DNAAF4: variants seen among roughly 807,000 people sequenced by gnomAD.
The protein encoded by DNAAF4 is dynein assembly factor 4, axonemal.
Under a neutral mutation model 51.8 loss-of-function variants are expected in DNAAF4, and 43 were observed. That is an observed-to-expected ratio of 0.83 (90% CI 0.65 to 1.07). DNAAF4 has a LOEUF of 1.07. Ranked by LOEUF, DNAAF4 falls within the 50% of genes least tolerant of loss-of-function variation. DNAAF4 has a pLI of 0.00. For missense variants in DNAAF4, 581 were observed against 493.0 expected (o/e 1.18, Z -1.69); for synonymous variants, 194 against 165.6 (o/e 1.17, Z -1.32).
At chr15:55,485,423 G>C (rs7342680) in intron 4 of DNAAF4, among the ~76,000 whole-genome samples, 1 of 152,110 alleles carries the variant, frequency 6.6e-6, no homozygotes, top group African/African-American at 2.4e-5. Flanking sequence ...TCACTGATAA[G>C]GATCATTTTG....
chr15:55,438,348 T>C (rs1034672402), intron 7 of DNAAF4, among the ~76,000 whole-genome samples: 12 of 23,982 alleles, frequency 5.0e-4, no homozygotes, highest in Non-Finnish European at 8.7e-4. Context: ...CGAGACTTTG[T>C]CTCAAAAAAA....
At chr15:55,425,110 C>T (rs1053843935) in intron 7 of DNAAF4, among the ~76,000 whole-genome samples, 4 of 152,128 alleles carry the variant, frequency 2.6e-5, no homozygotes, top group African/African-American at 9.7e-5. Flanking sequence ...GTTGATCCGC[C>T]CACCTCGGCC....
intron 7 of DNAAF4, chr15:55,418,228 G>A (rs1336728328): frequency 8.3e-6 from 13 of 1,572,314 alleles, no homozygotes; most frequent in Non-Finnish European, 1.0e-5. Flanking sequence ...TTTAGGATAA[G>A]AAAAGTACTT....
At chr15:55,475,050 T>A (rs1400594495) in intron 4 of DNAAF4, among the ~76,000 whole-genome samples, 1 of 152,140 alleles carries the variant, frequency 6.6e-6, no homozygotes, top group African/African-American at 2.4e-5. Context: ...TGCTGAGAGA[T>A]GTAAAGTATA....
At chr15:55,439,860 G>A (rs2057679562) in intron 6 of DNAAF4, among the ~76,000 whole-genome samples, 1 of 152,090 alleles carries the variant, frequency 6.6e-6, no homozygotes, top group Admixed American at 6.6e-5. Context: ...AAAGAGATCA[G>A]AGCTCCCCCA....
chr15:55,466,708 T>C (rs1324436404), intron 5 of DNAAF4, among the ~76,000 whole-genome samples: 1 of 152,182 alleles, frequency 6.6e-6, no homozygotes, highest in Non-Finnish European at 1.5e-5. Flanking sequence ...AAGAAGACAC[T>C]CTTCTTTTCG....
chr15:55,454,564 G>A (rs941160675), intron 5 of DNAAF4, among the ~76,000 whole-genome samples: 18 of 152,046 alleles, frequency 1.2e-4, no homozygotes, highest in African/African-American at 3.6e-4. Context: ...TTTTAGTAGA[G>A]ATGGGGTTTC....
intron 7 of DNAAF4, among the ~76,000 whole-genome samples, chr15:55,418,938 TGAGTGA>T (rs1566993142): frequency 5.8e-4 from 80 of 138,094 alleles, no homozygotes; most frequent in Non-Finnish European, 9.3e-4. Flanking sequence ...TTTTTTTTTT[TGAGTGA>T]GTTGGAGTCT....
At position 55,497,720 on chromosome 15, in the gene DNAAF4, A is replaced by T; in HGVS notation, c.263T>A (p.Val88Glu). The T allele has an allele frequency of 6.2e-7, 1 of 1,604,702 alleles. No individual in the cohort carries two copies. The highest frequency in any genetic ancestry group is 8.5e-7 in the Non-Finnish European group (1 of 1,177,236). Residue 88 changes from valine to glutamate, a missense_variant, in exon 3 of 10, where the codon GTG becomes GAG. By Grantham distance (121) the Val-to-Glu change is moderately radical. Transcript: ENST00000321149. ...KEAAMWETLS[V>E]TGVDKEMMQR... ...TTTAATAAAGAACTTACCACCCGTCACAGAAAGGGTCTCCCACATGGCCGC... is the reference window on the plus strand; with the variant it reads ...TTTAATAAAGAACTTACCACCCGTCTCAGAAAGGGTCTCCCACATGGCCGC...
At chr15:55,456,139 G>C (rs991124297) in intron 5 of DNAAF4, among the ~76,000 whole-genome samples, 1 of 151,298 alleles carries the variant, frequency 6.6e-6, no homozygotes, top group Non-Finnish European at 1.5e-5. Flanking sequence ...GAGTGCAATG[G>C]CAAGATCTCG....
intron 5 of DNAAF4, among the ~76,000 whole-genome samples, chr15:55,451,619 C>CTT (rs34676492): frequency 1.4e-3 from 206 of 146,764 alleles, no homozygotes; most frequent in Middle Eastern, 0.011. Flanking sequence ...TGAATAATAT[C>CTT]TTTTTTTTTT....
chr15:55,451,756 G>A (rs1240544959), intron 5 of DNAAF4, among the ~76,000 whole-genome samples: 2 of 151,958 alleles, frequency 1.3e-5, no homozygotes. Context: ...GGCACTACAG[G>A]TGCCCACCAC....
rs752284125 is a variant in DNAAF4 at position 55,497,763 on chromosome 15, T to G, written c.220A>C (p.Thr74Pro). The change falls in exon 3 of 10, where the codon ACC becomes CCC. Residue 74 changes from threonine to proline, a missense_variant. Physicochemically the swap from Thr to Pro is conservative, Grantham distance 38 (BLOSUM62 -1). Coordinates refer to ENST00000321149, the MANE Select transcript of DNAAF4 (RefSeq NM_130810.4). ...AKIGNDTIVF[T>P]LYKKEAAMWE... is the part of the protein sequence containing the mutation. ...ATGGCCGCTTCTTTTTTATACAAGG[T>G]GAAGACAATGGTGTCATTCCCAATC... 1 of 1,614,024 alleles carries G rather than the reference T, an allele frequency of 6.2e-7. No individual in the cohort carries two copies. Among genetic ancestry groups the G allele is most frequent in the South Asian group, 1.1e-5 (1 of 91,040 alleles).
intron 6 of DNAAF4, among the ~76,000 whole-genome samples, chr15:55,448,097 C>A (rs111271495): frequency 0.37 from 56,882 of 151,906 alleles, 11,114 homozygotes; most frequent in African/African-American, 0.43. Flanking sequence ...CAATATCTAG[C>A]TTACTGAGAG....
chr15:55,453,394 C>G (rs2057966679), intron 5 of DNAAF4, among the ~76,000 whole-genome samples: 1 of 152,062 alleles, frequency 6.6e-6, no homozygotes, highest in Non-Finnish European at 1.5e-5. Context: ...AATAAGACGA[C>G]TGGCTCCCCA....
chr15:55,427,060 G>GT (rs199888867), downstream of DNAAF4, among the ~76,000 whole-genome samples: 6,700 of 150,800 alleles, frequency 0.044, 482 homozygotes, highest in African/African-American at 0.15. Flanking sequence ...GAGTTTTTTT[G>GT]TTTTTTTTTG....
chr15:55,490,253 ACT>A lies in DNAAF4; in HGVS notation c.405+868_405+869del, dbSNP rs879530815. Among the ~76,000 whole-genome samples, 703 of 152,234 alleles carry A rather than the reference ACT, an allele frequency of 4.6e-3. 5 individuals are homozygous for A. The highest frequency in any genetic ancestry group is 7.9e-3 in the Non-Finnish European group (538 of 68,026). ...GAAAATAGATAAGCAGTTGCCTAGG[ACT>A]AAGTGTTAGGGGAAATGGGGAGTGG... On this transcript the variant is annotated intron_variant, in intron 4 of 9. Transcript: ENST00000321149.
At position 55,491,222 on chromosome 15, in the gene DNAAF4, T is replaced by C; in HGVS notation, c.306A>G (p.Lys102=). Residue 102 remains lysine (K), a synonymous_variant, in exon 4 of 10, where the codon AAA becomes AAG. Transcript: ENST00000321149. The part of the protein sequence containing the change: ...DKEMMQRIRE[K]SILQAQERAK... ...CTCTCTCTTGTGCTTGTAAAATAGA[T>C]TTTTCTCTAATTCTTTGCATCATCT... is the stretch of plus-strand genomic sequence containing the variant. 3 of 1,613,596 alleles carry C rather than the reference T, an allele frequency of 1.9e-6. No individual in the cohort carries two copies. Among genetic ancestry groups the C allele is most frequent in the Non-Finnish European group, 2.5e-6 (3 of 1,179,850 alleles).
intron 7 of DNAAF4, 92 bp downstream of exon 7, chr15:55,439,380 G>A: frequency 9.1e-7 from 1 of 1,104,630 alleles, no homozygotes; most frequent in East Asian, 2.5e-5. Flanking sequence ...AAAGGGCTGG[G>A]ATTACAGGCA....
Sources: allele counts gnomAD v4.1 joint callset (sites outside exome capture counted in the v4.1 genomes callset), GRCh38; gene constraint gnomAD v4.1.1; transcripts MANE v1.5; gene names NCBI Gene and HGNC (gene_info 2026-07-23, HGNC 2026-07-21).